The following COLEC10 variants were observed in gnomAD, a reference collection of about 807,000 sequenced individuals.
The protein encoded by COLEC10 is collectin-10.
In COLEC10, 22 loss-of-function variants were observed where a neutral mutation model predicts 28.4. The observed-to-expected ratio is 0.78, with a 90% CI of 0.55 to 1.11. COLEC10 has a LOEUF of 1.11. Among genes scored for constraint, COLEC10 ranks in the 50% least tolerant of loss-of-function variants. The pLI is 0.00. For synonymous variants in COLEC10, 125 were observed against 116.1 expected (o/e 1.08, Z -0.49); for missense variants, 361 against 344.1 (o/e 1.05, Z -0.39).
intron 1 of COLEC10, among the ~76,000 whole-genome samples, chr8:119,005,030 C>T (rs145902339): frequency 1.4e-3 from 215 of 152,076 alleles, no homozygotes; most frequent in African/African-American, 4.5e-3. Flanking sequence ...GCTCAAAATC[C>T]GTCAATGACA....
At chr8:118,994,907 A>G (rs981906789), upstream of COLEC10, among the ~76,000 whole-genome samples, 1 of 152,212 alleles carries the variant, frequency 6.6e-6, no homozygotes, top group Non-Finnish European at 1.5e-5. Flanking sequence ...ACTTTATCTC[A>G]TAGCACTGAC....
chr8:119,090,692 T>C (rs529109877), intron 2 of COLEC10, among the ~76,000 whole-genome samples: 2 of 152,382 alleles, frequency 1.3e-5, no homozygotes, highest in Admixed American at 6.5e-5. Flanking sequence ...GATGTTTCTT[T>C]GATCATTAGG....
At chr8:119,052,942 AC>A (rs1255100204) in intron 2 of COLEC10, among the ~76,000 whole-genome samples, 3 of 152,090 alleles carry the variant, frequency 2.0e-5, no homozygotes, top group African/African-American at 7.2e-5. Flanking sequence ...GAATCTGGGA[AC>A]CAAGAAGAGA....
intron 2 of COLEC10, among the ~76,000 whole-genome samples, chr8:119,037,471 G>A (rs1226317300): frequency 6.6e-6 from 1 of 152,008 alleles, no homozygotes; most frequent in Non-Finnish European, 1.5e-5. Flanking sequence ...AGCACTGATA[G>A]TATGACACAA....
chr8:118,955,391 T>C, the COLEC10 span, among the ~76,000 whole-genome samples: 1 of 152,196 alleles, frequency 6.6e-6, no homozygotes, highest in African/African-American at 2.4e-5. Flanking sequence ...TCTGATGACA[T>C]CACTTTCTGA....
chr8:119,073,519 G>C (rs1815165035), intron 1 of COLEC10, among the ~76,000 whole-genome samples: 1 of 151,764 alleles, frequency 6.6e-6, no homozygotes, highest in South Asian at 2.1e-4. Flanking sequence ...GTTTTAATAT[G>C]TATTTTATGC....
At chr8:119,060,432 C>A (rs960610273) in intron 2 of COLEC10, among the ~76,000 whole-genome samples, 2 of 152,168 alleles carry the variant, frequency 1.3e-5, no homozygotes, top group Admixed American at 6.5e-5. Flanking sequence ...TTCAAATGAG[C>A]AATTACGGCT....
chr8:118,962,377 T>G, the COLEC10 span, among the ~76,000 whole-genome samples: 1 of 152,218 alleles, frequency 6.6e-6, no homozygotes, highest in Non-Finnish European at 1.5e-5. Context: ...TCACCAAGGC[T>G]TTAATGAAAA....
At chr8:118,974,932 G>A in the COLEC10 span, among the ~76,000 whole-genome samples, 1 of 152,094 alleles carries the variant, frequency 6.6e-6, no homozygotes, top group Non-Finnish European at 1.5e-5. Context: ...ACATTTATGT[G>A]GCATTGGCCA....
At chr8:119,016,121 A>T (rs770486182) in intron 2 of COLEC10, among the ~76,000 whole-genome samples, 2 of 152,024 alleles carry the variant, frequency 1.3e-5, no homozygotes, top group Non-Finnish European at 2.9e-5. Flanking sequence ...TCAACCTGTC[A>T]TCTAAGTTTT....
At chr8:118,965,680 G>A in the COLEC10 span, among the ~76,000 whole-genome samples, 1 of 151,832 alleles carries the variant, frequency 6.6e-6, no homozygotes, top group Non-Finnish European at 1.5e-5. Flanking sequence ...GTGATTGCTG[G>A]GTAGGCCTCC....
rs7017561 is a variant in COLEC10, at chr8:119,041,182, G to A, written n.235+31629G>A. 2.9e-3 allele frequency among the ~76,000 whole-genome samples: 438 copies of A among 152,150 alleles called. 2 individuals carry two copies. Among genetic ancestry groups the A allele is most frequent in the African/African-American group, 0.01 (417 of 41,528 alleles). On this transcript the variant is annotated intron_variant and non_coding_transcript_variant, in intron 2 of 6. Coordinates refer to the COLEC10 transcript ENST00000521788. ...GGAGCTCAGTCTCAAACCTAGCTTC[G>A]CCTCCTCCAAAGCTAGTGCTGCATG... is the stretch of plus-strand genomic sequence containing the variant.
chr8:119,054,456 A>G (rs757186322), intron 2 of COLEC10, among the ~76,000 whole-genome samples: 2 of 152,134 alleles, frequency 1.3e-5, no homozygotes, highest in Non-Finnish European at 2.9e-5. Context: ...AGTGATGATG[A>G]TATTCATTTA....
At chr8:119,036,661 A>G (rs1052587620) in intron 2 of COLEC10, among the ~76,000 whole-genome samples, 1 of 152,190 alleles carries the variant, frequency 6.6e-6, no homozygotes, top group African/African-American at 2.4e-5. Context: ...GGGATACAAC[A>G]AAGGGGTTAT....
At chr8:119,078,716 G>A (rs1815304932) in intron 1 of COLEC10, among the ~76,000 whole-genome samples, 1 of 152,112 alleles carries the variant, frequency 6.6e-6, no homozygotes, top group Non-Finnish European at 1.5e-5. Context: ...GATTATCAAA[G>A]AGGATACTAC....
the COLEC10 span, among the ~76,000 whole-genome samples, chr8:118,960,245 G>T: frequency 6.6e-6 from 1 of 152,144 alleles, no homozygotes; most frequent in Non-Finnish European, 1.5e-5. Flanking sequence ...CCTAGTCCCA[G>T]TGCTAAAGCT....
intron 2 of COLEC10, among the ~76,000 whole-genome samples, chr8:119,061,527 TTCTC>T: frequency 6.6e-6 from 1 of 151,874 alleles, no homozygotes; most frequent in East Asian, 1.9e-4. Flanking sequence ...AACATCAAAT[TTCTC>T]AGCAGCAACA....
upstream of COLEC10, among the ~76,000 whole-genome samples, chr8:118,994,249 G>A (rs886373954): frequency 4.6e-5 from 7 of 152,218 alleles, no homozygotes; most frequent in African/African-American, 1.7e-4. Flanking sequence ...GGAGGTGGAG[G>A]CAAATCATGT....
chr8:119,065,632 G>A (rs924559050), upstream of COLEC10, among the ~76,000 whole-genome samples: 1 of 152,066 alleles, frequency 6.6e-6, no homozygotes, highest in African/African-American at 2.4e-5. Context: ...CAAGGTGGAT[G>A]GATCATTTGA....
Sources: gnomAD v4.1 joint callset for allele counts (sites outside exome capture counted in the v4.1 genomes callset) on GRCh38, gnomAD v4.1.1 for gene constraint, MANE v1.5 for transcripts, NCBI Gene and HGNC (gene_info 2026-07-23, HGNC 2026-07-21) for gene names.